Variants in SCN9A observed in about 807,000 individuals in gnomAD.
SCN9A encodes the protein sodium channel protein type 9 subunit alpha.
In SCN9A, 131 loss-of-function variants were observed where a neutral mutation model predicts 187.0. The ratio of observed to expected loss-of-function variants is 0.70; its 90% CI spans 0.61 to 0.81. The LOEUF is 0.81. Among genes scored for constraint, SCN9A ranks in the 30% least tolerant of loss-of-function variants. The pLI is 0.00. For synonymous variants in SCN9A, 809 were observed against 808.6 expected (o/e 1.00, Z -0.01); for missense variants, 2,252 against 2,396.6 (o/e 0.94, Z 1.26).
intron 1 of SCN9A, among the ~76,000 whole-genome samples, chr2:166,369,675 A>G (rs1700502279): frequency 6.6e-6 from 1 of 152,200 alleles, no homozygotes; most frequent in Non-Finnish European, 1.5e-5. Context: ...ACCTAGAAGG[A>G]ATCACTCAGA....
intron 1 of SCN9A, among the ~76,000 whole-genome samples, chr2:166,347,246 T>G (rs961984552): frequency 6.6e-6 from 1 of 152,232 alleles, no homozygotes; most frequent in African/African-American, 2.4e-5. Flanking sequence ...TTTGGGATCT[T>G]TTATTTTTTT....
chr2:166,370,284 T>TTGG (rs1165748273), intron 1 of SCN9A, among the ~76,000 whole-genome samples: 2 of 150,252 alleles, frequency 1.3e-5, no homozygotes, highest in Non-Finnish European at 3.0e-5. Context: ...TGGCTCATGC[T>TTGG]TGTAATCCCA....
At chr2:166,211,488 A>G (rs1694091394) in intron 24 of SCN9A, among the ~76,000 whole-genome samples, 1 of 151,556 alleles carries the variant, frequency 6.6e-6, no homozygotes, top group Non-Finnish European at 1.5e-5. Context: ...TACATGGACA[A>G]ATAGAGAATA....
intron 10 of SCN9A, among the ~76,000 whole-genome samples, chr2:166,288,096 TATATATA>T (rs539615788): frequency 2.2e-3 from 64 of 28,490 alleles, no homozygotes; most frequent in African/African-American, 0.019. Flanking sequence ...CATGTGTTTA[TATATATA>T]TATATATATA....
At chr2:166,343,063 A>T (rs1379944638) in intron 1 of SCN9A, among the ~76,000 whole-genome samples, 2 of 152,236 alleles carry the variant, frequency 1.3e-5, no homozygotes, top group African/African-American at 4.8e-5. Flanking sequence ...AGAGCCTGTA[A>T]AATTAACTAA....
In SCN9A at chr2:166,233,340, C is replaced by T; in HGVS notation, c.3924G>A (p.Arg1308=). The T allele has an allele frequency of 1.3e-6, 2 of 1,521,320 alleles. No homozygotes were observed. Among genetic ancestry groups the T allele is most frequent in the East Asian group, 2.5e-5 (1 of 40,714 alleles). 94.2% of individuals were successfully genotyped at this position (1,521,320 alleles called of 1,614,324 possible). The change falls in exon 21 of 27, where the codon AGG becomes AGA. Residue 1308 remains arginine (R), a splice_region_variant and synonymous_variant. Transcript: ENST00000642356. ...ATTATAAAGTTTAGTATTTTCTTAC[C>T]CTCATTCCTTCAAATCTAGATAAGG... is the stretch of plus-strand genomic sequence containing the variant. ...LRALSRFEGM[R]VVVNALIGAI...
At chr2:166,304,592 C>A (rs1394923334) in intron 5 of SCN9A, among the ~76,000 whole-genome samples, 1 of 152,064 alleles carries the variant, frequency 6.6e-6, no homozygotes, top group African/African-American at 2.4e-5. Context: ...TTGTTGGACC[C>A]TTAACATTAT....
At chr2:166,253,994 CT>C (rs1696158986) in intron 17 of SCN9A, among the ~76,000 whole-genome samples, 1 of 151,720 alleles carries the variant, frequency 6.6e-6, no homozygotes, top group South Asian at 2.1e-4. Flanking sequence ...GGTTTTCTCA[CT>C]GTTTAAGAGA....
At position 166,367,644 on chromosome 2, in the gene SCN9A, C is replaced by G. The variant is rs537128261; in HGVS notation, c.-51+8053G>C. ...CAAATCTTTTCTACCTTGGGGAAGG[C>G]CTTTTTCCCATTTCAGTTTTTTAAT... On this transcript the variant is annotated intron_variant, in intron 1 of 26. Coordinates refer to ENST00000642356, the MANE Select transcript of SCN9A (RefSeq NM_001365536.1). 2.3e-4 allele frequency among the ~76,000 whole-genome samples: 35 copies of G among 152,296 alleles called. No individual in the cohort carries two copies. The South Asian group carries it at 7.3e-3, about 32-fold the overall frequency.
At chr2:166,364,998 A>G (rs1370853152) in intron 1 of SCN9A, among the ~76,000 whole-genome samples, 1 of 152,170 alleles carries the variant, frequency 6.6e-6, no homozygotes, top group East Asian at 1.9e-4. Context: ...GTAGTCATTT[A>G]TATCTATGCA....
chr2:166,267,033 A>G (rs1558994283), intron 17 of SCN9A, among the ~76,000 whole-genome samples: 3 of 151,880 alleles, frequency 2.0e-5, no homozygotes. Context: ...TTCCAATTTA[A>G]ATGTCCTTTA....
rs1210236497 is a variant in SCN9A at position 166,307,065 on chromosome 2, C to G, written c.268G>C (p.Val90Leu). 2.5e-6 allele frequency: 4 copies of G among 1,575,132 alleles called. No individual in the cohort carries two copies. In the African/African-American group the frequency reaches 5.4e-5, roughly 21 times the overall value. ...AAGATTGTTTTCCCTTTGTTCAATA[C>G]TATGAAAGTCTGCAGGAGGAAAAAG... is the stretch of plus-strand genomic sequence containing the variant. Reference protein sequence around the residue: ...PYYADKKTFIVLNKGKTIFRF... With the variant: ...PYYADKKTFILLNKGKTIFRF... Residue 90 changes from valine to leucine, a missense_variant, in exon 3 of 27, where the codon GTA (valine) becomes CTA (leucine). Val to Leu is a conservative substitution (Grantham distance 32, BLOSUM62 1). This residue lies in a region of SCN9A where 1,013 missense variants were observed against 997.4 expected (regional missense o/e 1.02). Transcript: ENST00000642356.
rs199519618 is a variant in SCN9A at position 166,238,321 on chromosome 2, AT to A, written c.3628-55del. 2.2e-3 allele frequency: 2,587 copies of A among 1,195,684 alleles called. 43 individuals carry two copies. In the African/African-American group the frequency reaches 0.035, roughly 16 times the overall value. The allele number at this position is 1,195,684 out of a possible 1,614,324, so 74.1% of individuals were successfully genotyped here. On this transcript the variant is annotated intron_variant, in intron 19 of 26. Coordinates refer to ENST00000642356, the MANE Select transcript of SCN9A (RefSeq NM_001365536.1). Reference sequence around the variant, plus strand: ...ATGCACAACTTAAGCTTCATGATTCATTTAAAAAAAACAGGAAAAATACAAT... The same window carrying A: ...ATGCACAACTTAAGCTTCATGATTCATTAAAAAAAACAGGAAAAATACAAT...
chr2:166,221,728 A>G (rs890644930), intron 24 of SCN9A, among the ~76,000 whole-genome samples: 2 of 152,184 alleles, frequency 1.3e-5, no homozygotes, highest in African/African-American at 4.8e-5. Flanking sequence ...AATGTATAAC[A>G]AAGCTACAAC....
At chr2:166,203,007 C>CTT (rs146326064) in intron 26 of SCN9A, among the ~76,000 whole-genome samples, 1 of 148,210 alleles carries the variant, frequency 6.7e-6, no homozygotes, top group Non-Finnish European at 1.5e-5. Context: ...CAGGCACACT[C>CTT]TTTTTTTTTT....
At chr2:166,256,663 T>A (rs537718902) in intron 17 of SCN9A, among the ~76,000 whole-genome samples, 1 of 151,652 alleles carries the variant, frequency 6.6e-6, no homozygotes, top group Admixed American at 6.6e-5. Flanking sequence ...TTTCCTATTT[T>A]TCTTTGTCTA....
At chr2:166,369,259 C>T (rs976986136) in intron 1 of SCN9A, among the ~76,000 whole-genome samples, 3 of 151,806 alleles carry the variant, frequency 2.0e-5, no homozygotes, top group African/African-American at 7.3e-5. Flanking sequence ...AGACCACATA[C>T]TGAGTAAAGG....
intron 24 of SCN9A, among the ~76,000 whole-genome samples, chr2:166,223,457 A>G (rs1413959989): frequency 6.6e-6 from 1 of 152,192 alleles, no homozygotes; most frequent in East Asian, 1.9e-4. Flanking sequence ...ACCTGGATAA[A>G]TTTATGCTGA....
In SCN9A at chr2:166,204,210, A is replaced by G. The variant is rs1693681507; in HGVS notation, c.4519T>C (p.Cys1507Arg). 1 of 1,610,284 alleles carries G rather than the reference A, an allele frequency of 6.2e-7. No individual in the cohort carries two copies. The highest frequency in any genetic ancestry group is 1.1e-5 in the South Asian group (1 of 90,570). The change falls in exon 26 of 27, where the codon TGT (cysteine) becomes CGT (arginine). Residue 1507 changes from cysteine (C) to arginine (R), a missense_variant. Transcript: ENST00000642356. ...IPRPGNKIQG[C>R]IFDLVTNQAF... Reference sequence around the variant, plus strand: ...TGATTTGTCACTAGGTCAAATATACATCCTTGGATTTTGTTCTGCAAAGAA... The same window carrying G: ...TGATTTGTCACTAGGTCAAATATACGTCCTTGGATTTTGTTCTGCAAAGAA...
Sources: allele counts gnomAD v4.1 joint callset (sites outside exome capture counted in the v4.1 genomes callset), GRCh38; gene constraint gnomAD v4.1.1; regional missense constraint gnomAD v4.1.1; transcripts MANE v1.5; gene names NCBI Gene and HGNC (gene_info 2026-07-23, HGNC 2026-07-21).